DCAF8L2: variants seen among roughly 807,000 people sequenced by gnomAD.
The protein encoded by DCAF8L2 is DDB1- and CUL4-associated factor 8-like protein 2.
For missense variants in DCAF8L2, 430 were observed against 490.7 expected, an observed-to-expected ratio of 0.88 and a Z score of 1.17; for synonymous variants, 200 against 190.9, an observed-to-expected ratio of 1.05 and a Z score of -0.39.
At chrX:27,579,169 A>G in the DCAF8L2 span, among the ~76,000 whole-genome samples, 1 of 112,092 alleles carries the variant, frequency 8.9e-6, no homozygotes, top group Non-Finnish European at 1.9e-5. Flanking sequence ...AATGCTCATC[A>G]ATGATAGACT....
chrX:27,575,300 T>G, the DCAF8L2 span, among the ~76,000 whole-genome samples: 1 of 111,687 alleles, frequency 9.0e-6, no homozygotes, highest in Non-Finnish European at 1.9e-5. Context: ...CATCTCGATG[T>G]CTGGCCACCT....
At chrX:27,521,121 T>C in the DCAF8L2 span, among the ~76,000 whole-genome samples, 1 of 112,218 alleles carries the variant, frequency 8.9e-6, no homozygotes, top group South Asian at 3.7e-4. Context: ...ATGAATTCAA[T>C]TAAGATTTAA....
At chrX:27,698,401 G>A (rs186235836) in intron 3 of DCAF8L2, among the ~76,000 whole-genome samples, 5 of 111,493 alleles carry the variant, frequency 4.5e-5, no homozygotes. Context: ...GGCATATGGG[G>A]GTTTGGCTAC....
chrX:27,574,637 G>A, the DCAF8L2 span, among the ~76,000 whole-genome samples: 1 of 112,151 alleles, frequency 8.9e-6, no homozygotes, highest in South Asian at 3.6e-4. Context: ...TGGCTTCCAA[G>A]AAAACTTCTA....
the DCAF8L2 span, among the ~76,000 whole-genome samples, chrX:27,514,242 C>T: frequency 1.5e-5 from 1 of 68,268 alleles, no homozygotes; most frequent in African/African-American, 3.8e-5. Context: ...TGCATATGTA[C>T]ACATATGTAC....
chrX:27,559,239 G>A, the DCAF8L2 span, among the ~76,000 whole-genome samples: 1 of 111,460 alleles, frequency 9.0e-6, no homozygotes, highest in Non-Finnish European at 1.9e-5. Context: ...AATCCCACAC[G>A]ACCTTTGCTG....
At chrX:27,588,592 C>T (rs1295531923), upstream of DCAF8L2, among the ~76,000 whole-genome samples, 1 of 111,538 alleles carries the variant, frequency 9.0e-6, no homozygotes, top group African/African-American at 3.3e-5. Flanking sequence ...AATTTACATT[C>T]CTATAAACAA....
chrX:27,609,333 C>T (rs1272740060), intron 1 of DCAF8L2, among the ~76,000 whole-genome samples: 1 of 111,478 alleles, frequency 9.0e-6, no homozygotes, highest in Non-Finnish European at 1.9e-5. Context: ...CCAGGTCTCC[C>T]GAAGTCCCTG....
chrX:27,474,241 A>T, the DCAF8L2 span, among the ~76,000 whole-genome samples: 22 of 112,451 alleles, frequency 2.0e-4, no homozygotes, highest in Non-Finnish European at 3.4e-4. Context: ...AGTACATTGC[A>T]AAAAGTGCAA....
chrX:27,674,096 G>C (rs1454576773), intron 2 of DCAF8L2, among the ~76,000 whole-genome samples: 1 of 111,556 alleles, frequency 9.0e-6, no homozygotes, highest in East Asian at 2.8e-4. Context: ...GAATAACATA[G>C]TAGTTAAAAG....
intron 1 of DCAF8L2, among the ~76,000 whole-genome samples, chrX:27,611,905 C>T (rs972280420): frequency 9.0e-6 from 1 of 111,272 alleles, no homozygotes; most frequent in Non-Finnish European, 1.9e-5. Flanking sequence ...AATAAACATA[C>T]GTGTGCATGT....
At chrX:27,532,732 ATTTATTT>A in the DCAF8L2 span, among the ~76,000 whole-genome samples, 23 of 83,131 alleles carry the variant, frequency 2.8e-4, no homozygotes, top group African/African-American at 1.3e-3. Flanking sequence ...ACCCATATTT[ATTTATTT>A]ATTTATTTAT....
intron 4 of DCAF8L2, among the ~76,000 whole-genome samples, chrX:27,718,806 C>T (rs1458596012): frequency 9.0e-6 from 1 of 111,561 alleles, no homozygotes; most frequent in Non-Finnish European, 1.9e-5. Flanking sequence ...AATCTTGGTT[C>T]TCCTGGTTCT....
At chrX:27,594,444 AATATAT>A (rs779171774) in intron 1 of DCAF8L2, among the ~76,000 whole-genome samples, 1 of 110,606 alleles carries the variant, frequency 9.0e-6, no homozygotes, top group Non-Finnish European at 1.9e-5. Flanking sequence ...GAATACTGAG[AATATAT>A]ATATATACGT....
At chrX:27,723,195 T>G (rs1007655324) in intron 4 of DCAF8L2, among the ~76,000 whole-genome samples, 10 of 110,079 alleles carry the variant, frequency 9.1e-5, no homozygotes, top group Non-Finnish European at 1.9e-4. Context: ...ATTATAAAAT[T>G]TATAAATAAC....
intron 2 of DCAF8L2, among the ~76,000 whole-genome samples, chrX:27,669,742 C>A (rs560876644): frequency 1.8e-5 from 2 of 109,909 alleles, no homozygotes; most frequent in Non-Finnish European, 3.8e-5. Context: ...TCTGTCCTTG[C>A]GATAGTTTGC....
intron 4 of DCAF8L2, among the ~76,000 whole-genome samples, chrX:27,733,897 T>C (rs1921371142): frequency 9.0e-6 from 1 of 111,710 alleles, no homozygotes; most frequent in South Asian, 3.7e-4. Flanking sequence ...TGTCAGTCAA[T>C]GTGATATACA....
At chrX:27,745,152 T>C (rs1352574834) in intron 4 of DCAF8L2, among the ~76,000 whole-genome samples, 1 of 112,073 alleles carries the variant, frequency 8.9e-6, no homozygotes, top group Non-Finnish European at 1.9e-5. Flanking sequence ...ACACATAAAA[T>C]GTATATGCCT....
chrX:27,567,112 A>G, the DCAF8L2 span, among the ~76,000 whole-genome samples: 1 of 111,039 alleles, frequency 9.0e-6, no homozygotes, highest in Non-Finnish European at 1.9e-5. Flanking sequence ...ATGATTTTTG[A>G]TCTTCTTAAA....
Sources: gnomAD v4.1 joint callset for allele counts (sites outside exome capture counted in the v4.1 genomes callset) on GRCh38, gnomAD v4.1.1 for gene constraint, MANE v1.5 for transcripts, NCBI Gene and HGNC (gene_info 2026-07-23, HGNC 2026-07-21) for gene names.